Variants in EPHA5 observed in about 807,000 individuals in gnomAD.
EPHA5 encodes the protein ephrin type-A receptor 5.
Under a neutral mutation model 105.0 loss-of-function variants are expected in EPHA5, and 60 were observed. The ratio of observed to expected loss-of-function variants is 0.57; its 90% CI spans 0.46 to 0.71. The LOEUF (loss-of-function observed/expected upper bound fraction) is 0.71. Among genes scored for constraint, EPHA5 ranks in the 30% least tolerant of loss-of-function variants. EPHA5 has a pLI of 0.00. For synonymous variants in EPHA5, 513 were observed against 449.1 expected (o/e 1.14, Z -1.80); for missense variants, 1,218 against 1,274.7 (o/e 0.96, Z 0.68).
chr4:65,572,394 G>C (rs977141838), intron 3 of EPHA5, among the ~76,000 whole-genome samples: 1 of 152,134 alleles, frequency 6.6e-6, no homozygotes, highest in African/African-American at 2.4e-5. Flanking sequence ...TGCTAGTGAT[G>C]ATTATATGGA....
chr4:65,339,497 T>C (rs2148820934), intron 14 of EPHA5, among the ~76,000 whole-genome samples: 1 of 152,294 alleles, frequency 6.6e-6, no homozygotes, highest in South Asian at 2.1e-4. Flanking sequence ...AATTTAACTA[T>C]AACTTTGTTG....
intron 3 of EPHA5, among the ~76,000 whole-genome samples, chr4:65,588,466 A>C (rs151232676): frequency 6.6e-6 from 1 of 152,110 alleles, no homozygotes; most frequent in South Asian, 2.1e-4. Flanking sequence ...ATCTCCTGAG[A>C]TCTGCTCAGG....
At chr4:65,486,522 A>C (rs2149202633) in intron 5 of EPHA5, among the ~76,000 whole-genome samples, 1 of 152,346 alleles carries the variant, frequency 6.6e-6, no homozygotes, top group Admixed American at 6.5e-5. Flanking sequence ...GCTAATTATA[A>C]ATTTGAAATC....
chr4:65,644,073 G>A (rs1439404457), intron 1 of EPHA5, among the ~76,000 whole-genome samples: 1 of 151,916 alleles, frequency 6.6e-6, no homozygotes, highest in Non-Finnish European at 1.5e-5. Flanking sequence ...TCTTAGATAT[G>A]ACCATAGTCT....
At chr4:65,518,679 A>G (rs1437157828) in intron 3 of EPHA5, among the ~76,000 whole-genome samples, 1 of 151,996 alleles carries the variant, frequency 6.6e-6, no homozygotes, top group Non-Finnish European at 1.5e-5. Context: ...GTACCCTTTA[A>G]ATAGGTAAGT....
chr4:65,643,443 C>A lies in EPHA5; in HGVS notation c.182-16G>T, dbSNP rs1560813146. The stretch of plus-strand genomic sequence containing the variant: ...AATAAATTCACTGAAAAGAAAAGAA[C>A]AAAAAACTCAGTGAAATGTATATTA... On this transcript the variant is annotated splice_polypyrimidine_tract_variant and intron_variant, in intron 1 of 16. Transcript: ENST00000613740. The A allele has an allele frequency of 6.2e-7, 1 of 1,603,110 alleles. No individual in the cohort carries two copies. Among genetic ancestry groups the A allele is most frequent in the African/African-American group, 1.3e-5 (1 of 74,676 alleles).
chr4:65,439,662 T>C (rs1725826697), intron 5 of EPHA5, among the ~76,000 whole-genome samples: 1 of 152,172 alleles, frequency 6.6e-6, no homozygotes, highest in African/African-American at 2.4e-5. Flanking sequence ...CAGGGTATTT[T>C]AATTTGTCTT....
In EPHA5 at chr4:65,516,384, G is replaced by A. The variant is rs527435324; in HGVS notation, c.911-20841C>T. On this transcript the variant is annotated intron_variant, in intron 3 of 16. Transcript: ENST00000613740. ...GTGGATAATCAGAGAAATCTTCATC[G>A]TTGCTCTCCTGATGTTGAGTAGGCT... Among the ~76,000 whole-genome samples, 9 of 151,854 alleles carry A rather than the reference G, an allele frequency of 5.9e-5. No individual in the cohort carries two copies. The East Asian group carries it at 7.8e-4, about 13-fold the overall frequency.
At chr4:65,518,920 A>G (rs1734385811) in intron 3 of EPHA5, among the ~76,000 whole-genome samples, 1 of 152,088 alleles carries the variant, frequency 6.6e-6, no homozygotes, top group Admixed American at 6.6e-5. Context: ...TTCTGAAACT[A>G]TTCCAACCAA....
intron 5 of EPHA5, among the ~76,000 whole-genome samples, chr4:65,441,298 A>C (rs1367054408): frequency 6.6e-6 from 1 of 152,076 alleles, no homozygotes; most frequent in African/African-American, 2.4e-5. Flanking sequence ...GAATTAAACT[A>C]TCCAACTGGC....
intron 3 of EPHA5, chr4:65,574,050 A>G: frequency 1.3e-6 from 2 of 1,599,166 alleles, no homozygotes; most frequent in Non-Finnish European, 1.7e-6. Context: ...TGTCATTGCC[A>G]CCTCAACCAA....
At chr4:65,446,375 A>G (rs1463185281) in intron 5 of EPHA5, among the ~76,000 whole-genome samples, 1 of 152,194 alleles carries the variant, frequency 6.6e-6, no homozygotes, top group African/African-American at 2.4e-5. Context: ...TTTTTCCTGT[A>G]TATTTTATTA....
chr4:65,668,912 T>C (rs923059354), intron 1 of EPHA5, among the ~76,000 whole-genome samples: 1 of 151,732 alleles, frequency 6.6e-6, no homozygotes, highest in Non-Finnish European at 1.5e-5. Flanking sequence ...AGTGTGACAA[T>C]GAACTCCCCC....
intron 3 of EPHA5, among the ~76,000 whole-genome samples, chr4:65,518,460 C>T (rs1734323023): frequency 6.6e-6 from 1 of 151,650 alleles, no homozygotes; most frequent in Admixed American, 6.6e-5. Flanking sequence ...CTCTATATTT[C>T]CATATTCCTG....
At chr4:65,569,698 T>C (rs1265463566) in intron 3 of EPHA5, among the ~76,000 whole-genome samples, 1 of 151,776 alleles carries the variant, frequency 6.6e-6, no homozygotes, top group Non-Finnish European at 1.5e-5. Context: ...ATTATTCATT[T>C]TTGTGAAAAT....
At chr4:65,453,666 G>T (rs1315750899) in intron 5 of EPHA5, among the ~76,000 whole-genome samples, 1 of 152,112 alleles carries the variant, frequency 6.6e-6, no homozygotes, top group Non-Finnish European at 1.5e-5. Flanking sequence ...TAAACACACC[G>T]CACATGCTCC....
intron 5 of EPHA5, among the ~76,000 whole-genome samples, chr4:65,482,323 C>T (rs1481893503): frequency 2.6e-5 from 4 of 151,258 alleles, no homozygotes; most frequent in Admixed American, 2.6e-4. Context: ...GTGAAATAAC[C>T]CACTGATTAA....
chr4:65,538,138 G>A (rs1157285192), intron 3 of EPHA5, among the ~76,000 whole-genome samples: 1 of 151,740 alleles, frequency 6.6e-6, no homozygotes, highest in African/African-American at 2.4e-5. Flanking sequence ...CAAAAAATCT[G>A]CAGTGCACTA....
intron 2 of EPHA5, among the ~76,000 whole-genome samples, chr4:65,612,016 CAAAAAA>C (rs1167342911): frequency 3.4e-5 from 2 of 58,104 alleles, no homozygotes; most frequent in Admixed American, 2.7e-4. Flanking sequence ...GACCCTCTCT[CAAAAAA>C]AAAAAAAAAA....
Sources: gnomAD v4.1 joint callset for allele counts (sites outside exome capture counted in the v4.1 genomes callset) on GRCh38, gnomAD v4.1.1 for gene constraint, MANE v1.5 for transcripts, NCBI Gene and HGNC (gene_info 2026-07-23, HGNC 2026-07-21) for gene names.